CNTN6: variants seen among roughly 807,000 people sequenced by gnomAD.
The protein encoded by CNTN6 is contactin-6.
A neutral mutation model predicts 122.8 loss-of-function variants in CNTN6; 137 were observed. That is an observed-to-expected ratio of 1.12 (90% confidence interval 0.97 to 1.29). The LOEUF is 1.29. Among genes scored for constraint, CNTN6 ranks in the 50% most tolerant of loss-of-function variants. CNTN6 has a pLI of 0.00. For missense variants in CNTN6, 1,634 were observed against 1,223.4 expected (o/e 1.34, Z -5.01); for synonymous variants, 570 against 426.0 (o/e 1.34, Z -4.16).
At chr3:1,240,388 G>A (rs2094467373) in intron 4 of CNTN6, among the ~76,000 whole-genome samples, 1 of 152,128 alleles carries the variant, frequency 6.6e-6, no homozygotes, top group Non-Finnish European at 1.5e-5. Context: ...TCTCAAAGAA[G>A]ATATACAAAT....
At chr3:1,111,417 G>A (rs531594697) in intron 1 of CNTN6, among the ~76,000 whole-genome samples, 3 of 152,228 alleles carry the variant, frequency 2.0e-5, no homozygotes, top group Admixed American at 2.0e-4. Context: ...CCATCTTATA[G>A]AAAAGTAAAA....
rs148335004 is a variant in CNTN6, at chr3:1,164,683, G to C, written c.55+16620G>C. On this transcript the variant is annotated intron_variant, in intron 2 of 22. Transcript: ENST00000446702. ...TAGGACTCAGAAGCCTATGCAACTT[G>C]GCATAGGTATTTTTTGTCTCTTCCT... Among the ~76,000 whole-genome samples, 159 of 152,282 alleles carry C rather than the reference G, an allele frequency of 1.0e-3. 2 individuals are homozygous for C. In the East Asian group the frequency reaches 0.03, roughly 29 times the overall value.
At chr3:1,339,347 C>G (rs1162803027) in intron 11 of CNTN6, among the ~76,000 whole-genome samples, 1 of 152,122 alleles carries the variant, frequency 6.6e-6, no homozygotes, top group East Asian at 1.9e-4. Context: ...ATCTGATTCT[C>G]AAGTGTGACT....
chr3:1,264,363 T>C (rs1358874921), intron 4 of CNTN6, among the ~76,000 whole-genome samples: 3 of 152,164 alleles, frequency 2.0e-5, no homozygotes, highest in African/African-American at 7.2e-5. Context: ...ATTACTGTTA[T>C]AGCAAATTAT....
intron 2 of CNTN6, among the ~76,000 whole-genome samples, chr3:1,160,265 C>T (rs1346381966): frequency 6.6e-6 from 1 of 150,698 alleles, no homozygotes; most frequent in Admixed American, 6.7e-5. Flanking sequence ...GGCTGGATCC[C>T]AGAAGCCCTT....
intron 1 of CNTN6, among the ~76,000 whole-genome samples, chr3:1,135,240 AGAGAAAT>A (rs2092442162): frequency 6.6e-6 from 1 of 152,052 alleles, no homozygotes; most frequent in Admixed American, 6.6e-5. Context: ...TCTCTTTTGC[AGAGAAAT>A]TTCCCAGAGT....
chr3:1,331,906 G>C (rs1016636491), intron 11 of CNTN6, among the ~76,000 whole-genome samples: 8 of 151,538 alleles, frequency 5.3e-5, no homozygotes, highest in Admixed American at 3.3e-4. Flanking sequence ...CAGCTCTTCA[G>C]GTTTTTGTTT....
chr3:1,115,798 A>G (rs2091696323), intron 1 of CNTN6, among the ~76,000 whole-genome samples: 1 of 152,126 alleles, frequency 6.6e-6, no homozygotes, highest in Non-Finnish European at 1.5e-5. Context: ...AACAGAGAAT[A>G]AGAAAGAATT....
chr3:1,123,171 C>G (rs80106947), intron 1 of CNTN6, among the ~76,000 whole-genome samples: 1,585 of 151,870 alleles, frequency 0.01, 34 homozygotes, highest in African/African-American at 0.037. Flanking sequence ...TTTCCATAAC[C>G]GTTTTCTAAA....
intron 19 of CNTN6, among the ~76,000 whole-genome samples, chr3:1,385,016 C>T (rs542311053): frequency 6.6e-6 from 1 of 151,950 alleles, no homozygotes; most frequent in South Asian, 2.1e-4. Context: ...ATTCTTGTAG[C>T]ATATTTTTTC....
intron 4 of CNTN6, among the ~76,000 whole-genome samples, chr3:1,267,989 C>G (rs530288567): frequency 7.9e-4 from 121 of 152,298 alleles, no homozygotes; most frequent in African/African-American, 2.6e-3. Context: ...GGATACTCCC[C>G]TTTTTGCCTT....
chr3:1,210,021 A>G (rs377744682), intron 2 of CNTN6, among the ~76,000 whole-genome samples: 2 of 152,178 alleles, frequency 1.3e-5, no homozygotes, highest in African/African-American at 2.4e-5. Flanking sequence ...CTCTAGCTTT[A>G]TCATCTTTAT....
At chr3:1,332,532 A>G (rs1702460677) in intron 11 of CNTN6, among the ~76,000 whole-genome samples, 1 of 144,754 alleles carries the variant, frequency 6.9e-6, no homozygotes, top group Non-Finnish European at 1.6e-5. Context: ...GGAAGGAAGG[A>G]GGGAGGGAAG....
At chr3:1,386,270 T>TTTTG (rs371059407) in intron 20 of CNTN6, among the ~76,000 whole-genome samples, 30,041 of 152,020 alleles carry the variant, frequency 0.2, 3,077 homozygotes, top group Non-Finnish European at 0.23. Context: ...GGTTTTTTTG[T>TTTTG]TTTGTCATTT....
chr3:1,249,207 G>A (rs1335694185), intron 4 of CNTN6, among the ~76,000 whole-genome samples: 1 of 151,512 alleles, frequency 6.6e-6, no homozygotes, highest in Non-Finnish European at 1.5e-5. Context: ...CTATTATGAT[G>A]TAAAGAAATC....
intron 1 of CNTN6, among the ~76,000 whole-genome samples, chr3:1,124,711 A>T (rs1320110578): frequency 6.6e-6 from 1 of 151,828 alleles, no homozygotes; most frequent in Non-Finnish European, 1.5e-5. Context: ...GAGAAAGAAC[A>T]TCCCTTCCGC....
At position 1,108,501 on chromosome 3, in the gene CNTN6, G is replaced by A. The variant is rs138841863; in HGVS notation, c.-83+15381G>A. ...AATTTTTCAGTTTGGAGTCCTGTTG[G>A]TGCTCAAAAAATTGTAGATCTTGAA... On this transcript the variant is annotated intron_variant, in intron 1 of 22. Transcript: ENST00000446702. Among the ~76,000 whole-genome samples the A allele has an allele frequency of 9.6e-3, 1,458 of 152,104 alleles. 29 individuals carry two copies. The highest frequency in any genetic ancestry group is 0.033 in the African/African-American group (1,366 of 41,532).
chr3:1,093,355 C>T (rs1399931005), intron 1 of CNTN6, among the ~76,000 whole-genome samples: 1 of 152,090 alleles, frequency 6.6e-6, no homozygotes, highest in African/African-American at 2.4e-5. Flanking sequence ...AGGTTAGGAT[C>T]AAACCAGGGA....
At position 1,370,282 on chromosome 3, in the gene CNTN6, C is replaced by T. The variant is rs192935219; in HGVS notation, c.1493-2017C>T. Among the ~76,000 whole-genome samples, 12 of 151,206 alleles carry T rather than the reference C, an allele frequency of 7.9e-5. No homozygotes were observed. In the East Asian group the frequency reaches 2.1e-3, roughly 27 times the overall value. On this transcript the variant is annotated intron_variant, in intron 12 of 22. Transcript: ENST00000446702. ...TAAGTTTTAGGGTACATGTGCACAACGTGGGAATTGAACAATGAGAACACA... is the reference window on the plus strand; with the variant it reads ...TAAGTTTTAGGGTACATGTGCACAATGTGGGAATTGAACAATGAGAACACA...
Sources: gnomAD v4.1 joint callset for allele counts (sites outside exome capture counted in the v4.1 genomes callset) on GRCh38, gnomAD v4.1.1 for gene constraint, MANE v1.5 for transcripts, NCBI Gene and HGNC (gene_info 2026-07-23, HGNC 2026-07-21) for gene names.